Variants in ZNF729 observed in about 807,000 individuals in gnomAD.
The protein encoded by ZNF729 is zinc finger protein 729.
A neutral mutation model predicts 12.2 loss-of-function variants in ZNF729; 15 were observed. The observed-to-expected ratio is 1.23, with a 90% confidence interval of 0.82 to 1.89. The LOEUF (loss-of-function observed/expected upper bound fraction) is 1.89. ZNF729 is among the 40% of genes most tolerant of loss of function. The probability of loss-of-function intolerance (pLI) is 0.00; values close to 1 mark genes in which losing one functional copy is unlikely to be tolerated. For synonymous variants in ZNF729, 492 were observed against 476.3 expected, an observed-to-expected ratio of 1.03 and a Z score of -0.43; for missense variants, 1,540 against 1,456.7, an observed-to-expected ratio of 1.06 and a Z score of -0.93.
At chr19:22,292,905 C>T (rs1291987970) in intron 1 of ZNF729, among the ~76,000 whole-genome samples, 2 of 152,114 alleles carry the variant, frequency 1.3e-5, no homozygotes, top group Non-Finnish European at 2.9e-5. Flanking sequence ...GTTGTTGGGT[C>T]AAATGGTAAT....
Position 22,315,200 on chromosome 19 carries a change from A to C in ZNF729, c.1783A>C (p.Thr595Pro). The C allele has an allele frequency of 6.2e-7, 1 of 1,612,010 alleles. No homozygotes were observed. Among genetic ancestry groups the C allele is most frequent in the South Asian group, 1.1e-5 (1 of 91,038 alleles). Residue 595 changes from threonine (T) to proline (P), a missense_variant, in exon 4 of 4, where the codon ACT (threonine) becomes CCT (proline). Thr to Pro is a conservative substitution (Grantham distance 38). Coordinates refer to ENST00000601693, the MANE Select transcript of ZNF729 (RefSeq NM_001242680.2). ...SALRKHKVIH[T>P]REKLYKCEEC... is the part of the protein sequence containing the mutation. ...CCTCAGAAAACATAAGGTAATTCAT[A>C]CTAGGGAGAAATTGTACAAATGTGA...
At chr19:22,287,100 C>T (rs1360708699) in intron 1 of ZNF729, among the ~76,000 whole-genome samples, 3 of 152,082 alleles carry the variant, frequency 2.0e-5, no homozygotes, top group Admixed American at 1.3e-4. Flanking sequence ...AAACCAAATT[C>T]AGTAATTGGT....
In ZNF729 at chr19:22,314,651, G is replaced by C; in HGVS notation, c.1234G>C (p.Ala412Pro). The change falls in exon 4 of 4, where the codon GCT (alanine) becomes CCT (proline). Residue 412 changes from alanine (A) to proline (P), a missense_variant. By Grantham distance (27) the Ala-to-Pro change is conservative (BLOSUM62 -1). Transcript: ENST00000601693. ...KPYKCEECGK[A>P]FSQFSTLKKH... ...CTACAAATGTGAAGAATGTGGCAAA[G>C]CTTTTAGCCAGTTCTCAACCCTTAA... 1 of 1,612,320 alleles carries C rather than the reference G, an allele frequency of 6.2e-7. No homozygotes were observed. Among genetic ancestry groups the C allele is most frequent in the East Asian group, 2.2e-5 (1 of 44,800 alleles).
In ZNF729 at chr19:22,317,107, C is replaced by T; in HGVS notation, c.3690C>T (p.Thr1230=). The part of the protein sequence containing the change: ...KVPKLLSNPH[T]LLDKTIHTGE... ...CAAAGCTTTTAAGCAATCCTCACAC[C>T]TTACTAGACAAAACAATTCATACTG... Residue 1230 remains threonine, a synonymous_variant, in exon 4 of 4, where the codon ACC becomes ACT. Coordinates refer to ENST00000601693, the MANE Select transcript of ZNF729 (RefSeq NM_001242680.2). 6.3e-7 allele frequency: 1 copy of T among 1,599,346 alleles called. No individual in the cohort carries two copies. Among genetic ancestry groups the T allele is most frequent in the Non-Finnish European group, 8.5e-7 (1 of 1,173,860 alleles).
At chr19:22,301,530 G>A (rs1968304643) in intron 1 of ZNF729, among the ~76,000 whole-genome samples, 1 of 152,278 alleles carries the variant, frequency 6.6e-6, no homozygotes, top group South Asian at 2.1e-4. Flanking sequence ...CTCTGCCTAA[G>A]ATTTACAAGA....
rs1276548660 is a variant in ZNF729 at position 22,316,748 on chromosome 19, A to C, written c.3331A>C (p.Lys1111Gln). 1 of 1,613,062 alleles carries C rather than the reference A, an allele frequency of 6.2e-7. No homozygotes were observed. The highest frequency in any genetic ancestry group is 1.1e-5 in the South Asian group (1 of 90,918). The change falls in exon 4 of 4, where the codon AAA (lysine) becomes CAA (glutamine). Residue 1111 changes from lysine (K) to glutamine (Q), a missense_variant. Transcript: ENST00000601693. ...KKPYQCDECG[K>Q]AFNNSSTLTK... is the part of the protein sequence containing the mutation. ...ACCCTACCAATGTGACGAATGTGGCAAAGCTTTTAACAATTCCTCAACCCT... is the reference window on the plus strand; with the variant it reads ...ACCCTACCAATGTGACGAATGTGGCCAAGCTTTTAACAATTCCTCAACCCT...
At chr19:22,309,887 C>A (rs1420286962) in intron 3 of ZNF729, among the ~76,000 whole-genome samples, 1 of 151,528 alleles carries the variant, frequency 6.6e-6, no homozygotes, top group Non-Finnish European at 1.5e-5. Context: ...TTTCTTTTAG[C>A]AGTGTTTCAT....
intron 1 of ZNF729, among the ~76,000 whole-genome samples, chr19:22,294,895 G>C (rs1968207543): frequency 6.6e-6 from 1 of 151,806 alleles, no homozygotes; most frequent in African/African-American, 2.4e-5. Flanking sequence ...GACCTCAAAT[G>C]ACCCACCCGG....
chr19:22,304,296 C>T (rs1968352648), intron 2 of ZNF729, among the ~76,000 whole-genome samples: 1 of 152,152 alleles, frequency 6.6e-6, no homozygotes, highest in South Asian at 2.1e-4. Flanking sequence ...GCCTTGGCCT[C>T]CCAAAGTGCT....
chr19:22,299,657 G>A (rs1262225022), intron 1 of ZNF729: 1 of 153,058 alleles, frequency 6.5e-6, no homozygotes, highest in East Asian at 1.9e-4. Flanking sequence ...CCTGTTGTCT[G>A]TGAATGAGGT....
intron 1 of ZNF729, among the ~76,000 whole-genome samples, chr19:22,291,984 A>G (rs1472585590): frequency 2.0e-5 from 3 of 152,136 alleles, no homozygotes; most frequent in African/African-American, 7.2e-5. Context: ...CGCCCACCTC[A>G]GCCTCTCAAA....
intron 3 of ZNF729, among the ~76,000 whole-genome samples, chr19:22,308,215 G>A (rs138176683): frequency 6.6e-6 from 1 of 152,176 alleles, no homozygotes; most frequent in Non-Finnish European, 1.5e-5. Flanking sequence ...TTATGGCTGA[G>A]TAGTGTTCCA....
Position 22,315,085 on chromosome 19 carries a change from A to C in ZNF729, c.1668A>C (p.Ser556=), listed in dbSNP as rs917598868. ...CEECGKAFKW[S]SKLTVHKVIH... is the part of the protein sequence containing the mutation. ...AATGTGGTAAAGCTTTTAAGTGGTC[A>C]TCAAAACTTACTGTACATAAGGTAA... is the stretch of plus-strand genomic sequence containing the variant. The change falls in exon 4 of 4, where the codon TCA becomes TCC. Residue 556 remains serine (S), a synonymous_variant. Transcript: ENST00000601693. 3.4e-5 allele frequency: 54 copies of C among 1,609,122 alleles called. No individual in the cohort carries two copies. The highest frequency in any genetic ancestry group is 4.2e-5 in the Non-Finnish European group (49 of 1,179,060).
At chr19:22,292,041 T>C (rs1968162803) in intron 1 of ZNF729, among the ~76,000 whole-genome samples, 1 of 152,192 alleles carries the variant, frequency 6.6e-6, no homozygotes, top group African/African-American at 2.4e-5. Flanking sequence ...CAGCGAGTTT[T>C]TTGTTTTAAC....
At chr19:22,287,671 A>ATTT (rs35755169) in intron 1 of ZNF729, among the ~76,000 whole-genome samples, 23 of 145,300 alleles carry the variant, frequency 1.6e-4, no homozygotes, top group African/African-American at 5.3e-4. Context: ...CGGAGGACTG[A>ATTT]TTTTTTTTTT....
At chr19:22,287,043 A>G (rs1200033090) in intron 1 of ZNF729, among the ~76,000 whole-genome samples, 2 of 152,210 alleles carry the variant, frequency 1.3e-5, no homozygotes, top group Non-Finnish European at 2.9e-5. Context: ...TTTATGGTCT[A>G]TGGAAGGGAT....
At chr19:22,306,008 G>T (rs1227829619) in intron 3 of ZNF729, among the ~76,000 whole-genome samples, 1 of 152,018 alleles carries the variant, frequency 6.6e-6, no homozygotes, top group Non-Finnish European at 1.5e-5. Context: ...TAGAGACAGG[G>T]TTTTGCCTTG....
chr19:22,315,339 C>T lies in ZNF729; in HGVS notation c.1922C>T (p.Ser641Leu). ...TGTGGCAAAGCTTTTAGGCAATCCT[C>T]ACACCTTACTAGACATAAAGCAATT... is the stretch of plus-strand genomic sequence containing the variant. ...EECGKAFRQS[S>L]HLTRHKAIHT... Residue 641 changes from serine (S) to leucine (L), a missense_variant, in exon 4 of 4, where the codon TCA becomes TTA. Physicochemically the swap from Ser to Leu is moderately radical, Grantham distance 145. Coordinates refer to ENST00000601693, the MANE Select transcript of ZNF729 (RefSeq NM_001242680.2). 1 of 1,613,530 alleles carries T rather than the reference C, an allele frequency of 6.2e-7. No individual in the cohort carries two copies. The highest frequency in any genetic ancestry group is 8.5e-7 in the Non-Finnish European group (1 of 1,179,772).
intron 1 of ZNF729, among the ~76,000 whole-genome samples, chr19:22,293,156 T>G (rs1968177235): frequency 6.6e-6 from 1 of 152,222 alleles, no homozygotes; most frequent in Admixed American, 6.5e-5. Context: ...ATATCTTATT[T>G]TGAAAAACAT....
Sources: gnomAD v4.1 joint callset for allele counts (sites outside exome capture counted in the v4.1 genomes callset) on GRCh38, gnomAD v4.1.1 for gene constraint, MANE v1.5 for transcripts, NCBI Gene and HGNC (gene_info 2026-07-23, HGNC 2026-07-21) for gene names.